Variants in ACVR2B observed in about 807,000 individuals in gnomAD.
ACVR2B encodes activin receptor type-2B.
In ACVR2B, 18 loss-of-function variants were observed where a neutral mutation model predicts 65.1. The ratio of observed to expected loss-of-function variants is 0.28; its 90% CI spans 0.19 to 0.41. The LOEUF is 0.41. ACVR2B is among the 10% of genes least tolerant of loss of function. The probability of loss-of-function intolerance (pLI) is 1.00; values close to 1 mark genes in which losing one functional copy is unlikely to be tolerated. For missense variants in ACVR2B, 482 were observed against 682.7 expected, an observed-to-expected ratio of 0.71 and a Z score of 3.28; for synonymous variants, 298 against 277.7, an observed-to-expected ratio of 1.07 and a Z score of -0.73.
intron 1 of ACVR2B, 21 bp downstream of exon 1, chr3:38,454,395 G>A: frequency 8.0e-7 from 1 of 1,247,678 alleles, no homozygotes; most frequent in Non-Finnish European, 1.0e-6. Flanking sequence ...GGCGCGGCGC[G>A]GGGACGCCGA....
At chr3:38,478,354 T>C in intron 4 of ACVR2B, 21 bp from the exon 5 acceptor site, 11 of 1,614,020 alleles carry the variant, frequency 6.8e-6, no homozygotes, top group Non-Finnish European at 9.3e-6. Context: ...CCAGACCTTT[T>C]TAAGCCTTGC....
rs1710149903 is a variant in ACVR2B, at chr3:38,487,929, C to T, written c.*4597C>T. ...TTAGCCTGTTGAGTTTTTGATGGCA[C>T]ACCTTTGGAGAGATGGCCACGCCTG... On this transcript the variant is annotated 3_prime_UTR_variant, in exon 11 of 11. Coordinates refer to ENST00000352511, the MANE Select transcript of ACVR2B (RefSeq NM_001106.4). 6.6e-6 allele frequency: 1 copy of T among 152,176 alleles called. No homozygotes were observed. Among genetic ancestry groups the T allele is most frequent in the Non-Finnish European group, 1.5e-5 (1 of 68,038 alleles). The allele number at this position is 152,176 out of a possible 1,614,324, so 9.4% of individuals were successfully genotyped here.
chr3:38,490,871 G>C lies in ACVR2B; in HGVS notation c.*7539G>C, dbSNP rs1202716620. The C allele has an allele frequency of 6.6e-6, 1 of 152,668 alleles. No individual in the cohort carries two copies. The highest frequency in any genetic ancestry group is 1.5e-5 in the Non-Finnish European group (1 of 68,052). 9.5% of individuals were successfully genotyped at this position (152,668 alleles called of 1,614,324 possible). A position where few individuals can be genotyped will look rare whatever the true frequency, so the allele number is the denominator to read the frequency against. On this transcript the variant is annotated 3_prime_UTR_variant, in exon 11 of 11. Coordinates refer to ENST00000352511, the MANE Select transcript of ACVR2B (RefSeq NM_001106.4). ...GGCATTGTGGTGGGATGGGTCTAGA[G>C]TGTCATCTGAATGGTGCTTCCTGTG...
At chr3:38,458,593 A>G (rs1186927412) in intron 1 of ACVR2B, among the ~76,000 whole-genome samples, 1 of 152,126 alleles carries the variant, frequency 6.6e-6, no homozygotes, top group African/African-American at 2.4e-5. Flanking sequence ...TCTTTCCAGA[A>G]AGCTGTCCTC....
chr3:38,481,347 A>C lies in ACVR2B; in HGVS notation c.960-4A>C. ...GCTTTATCTCTGCCCACTTGTTTCC[A>C]CAGGGACTTTAAAAGTAAGAATGTA... On this transcript the variant is annotated splice_region_variant and splice_polypyrimidine_tract_variant and intron_variant, in intron 7 of 10. Coordinates refer to ENST00000352511, the MANE Select transcript of ACVR2B (RefSeq NM_001106.4). The surrounding 1 kb of genome is among the most constrained non-coding windows in gnomAD (Gnocchi z 4.7). 1 of 1,611,898 alleles carries C rather than the reference A, an allele frequency of 6.2e-7. No homozygotes were observed. Among genetic ancestry groups the C allele is most frequent in the Non-Finnish European group, 8.5e-7 (1 of 1,177,986 alleles).
intron 1 of ACVR2B, chr3:38,454,955 GA>G (rs1709519774): frequency 6.6e-6 from 1 of 152,202 alleles, no homozygotes; most frequent in African/African-American, 2.4e-5. Flanking sequence ...TTGGCCCCGG[GA>G]TGCGGAGTGT....
intron 1 of ACVR2B, among the ~76,000 whole-genome samples, chr3:38,457,130 G>A (rs958715713): frequency 3.3e-5 from 5 of 152,222 alleles, no homozygotes; most frequent in African/African-American, 1.2e-4. Context: ...CATGAACCCG[G>A]GAGGTAGAGG....
intron 1 of ACVR2B, among the ~76,000 whole-genome samples, chr3:38,471,772 A>G (rs1709822310): frequency 6.6e-6 from 1 of 152,206 alleles, no homozygotes; most frequent in Admixed American, 6.5e-5. Context: ...TTTGTGCCTC[A>G]GTTTTTATAA....
chr3:38,492,141 G>A lies in ACVR2B; in HGVS notation c.*8809G>A, dbSNP rs1372393880. ...GACAAAATTTGCAGGAACAGTTTTG[G>A]AACCAACAGAAAATGTCACCTTTTA... On this transcript the variant is annotated 3_prime_UTR_variant, in exon 11 of 11. Transcript: ENST00000352511. The A allele has an allele frequency of 6.6e-6, 1 of 152,452 alleles. No individual in the cohort carries two copies. Among genetic ancestry groups the A allele is most frequent in the Non-Finnish European group, 1.5e-5 (1 of 68,000 alleles). 9.4% of individuals were successfully genotyped at this position (152,452 alleles called of 1,614,324 possible).
At chr3:38,459,337 C>T (rs555256318) in intron 1 of ACVR2B, among the ~76,000 whole-genome samples, 6 of 152,298 alleles carry the variant, frequency 3.9e-5, no homozygotes, top group Non-Finnish European at 7.4e-5. Flanking sequence ...TTCAGGGAGG[C>T]GGAGGCTGTG....
chr3:38,478,033 C>T (rs1709943090), intron 3 of ACVR2B, 63 bp downstream of exon 3: 25 of 1,598,318 alleles, frequency 1.6e-5, no homozygotes, highest in Admixed American at 1.2e-4. Context: ...TGGCTTGGAG[C>T]GCTTGGCTCC....
rs372976786 is a variant in ACVR2B at position 38,458,809 on chromosome 3, G to A, written c.52+4435G>A. On this transcript the variant is annotated intron_variant, in intron 1 of 10. Transcript: ENST00000352511. Reference sequence around the variant, plus strand: ...TAGACTCTAGATAGTCCTGAGGCAGGGTCCTGGTTGCATGGGCCTCACTGT... The same window carrying A: ...TAGACTCTAGATAGTCCTGAGGCAGAGTCCTGGTTGCATGGGCCTCACTGT... Among the ~76,000 whole-genome samples, 4 of 152,126 alleles carry A rather than the reference G, an allele frequency of 2.6e-5. No individual in the cohort carries two copies. In the East Asian group the frequency reaches 7.7e-4, roughly 29 times the overall value.
rs1173931958 is a variant in ACVR2B, at chr3:38,491,784, C to G, written c.*8452C>G. On this transcript the variant is annotated 3_prime_UTR_variant, in exon 11 of 11. Coordinates refer to ENST00000352511, the MANE Select transcript of ACVR2B (RefSeq NM_001106.4). ...TTTTTTCCTCTTTTTTTCTGTAATTCTGTAAAAATGCAGAGAAAGTTGAGT... is the reference window on the plus strand; with the variant it reads ...TTTTTTCCTCTTTTTTTCTGTAATTGTGTAAAAATGCAGAGAAAGTTGAGT... 1 of 151,896 alleles carries G rather than the reference C, an allele frequency of 6.6e-6. No individual in the cohort carries two copies. Among genetic ancestry groups the G allele is most frequent in the Non-Finnish European group, 1.5e-5 (1 of 67,984 alleles). 9.4% of individuals were successfully genotyped at this position (151,896 alleles called of 1,614,324 possible).
chr3:38,477,160 G>A lies in ACVR2B; in HGVS notation c.53-127G>A. The A allele has an allele frequency of 6.8e-6, 7 of 1,033,280 alleles. No homozygotes were observed. The highest frequency in any genetic ancestry group is 1.0e-5 in the Non-Finnish European group (7 of 689,490). The allele number at this position is 1,033,280 out of a possible 1,614,324, so 64.0% of individuals were successfully genotyped here. ...CTACGTCCAGGGGTGAGTGCAGGAG[G>A]TTGGTGACCCCAACCCACCACCCGG... On this transcript the variant is annotated intron_variant, in intron 1 of 10. Transcript: ENST00000352511. The surrounding 1 kb of genome is among the most constrained non-coding windows in gnomAD (Gnocchi z 6.7).
intron 1 of ACVR2B, among the ~76,000 whole-genome samples, chr3:38,469,927 G>T (rs778414580): frequency 9.9e-5 from 15 of 152,022 alleles, no homozygotes; most frequent in Middle Eastern, 3.4e-3. Context: ...TTTTTTAATA[G>T]AACTTCTAGA....
intron 1 of ACVR2B, among the ~76,000 whole-genome samples, chr3:38,458,201 G>A (rs1305689647): frequency 2.0e-5 from 3 of 152,116 alleles, no homozygotes; most frequent in Non-Finnish European, 4.4e-5. Flanking sequence ...GAAGCACCTG[G>A]ACCTCTGCTG....
chr3:38,464,115 G>A (rs1045068394), intron 1 of ACVR2B, among the ~76,000 whole-genome samples: 4 of 152,236 alleles, frequency 2.6e-5, no homozygotes, highest in Non-Finnish European at 4.4e-5. Flanking sequence ...TTGGAGGTTA[G>A]GGCCTCAACC....
At chr3:38,458,078 A>G (rs1709580433) in intron 1 of ACVR2B, among the ~76,000 whole-genome samples, 1 of 152,144 alleles carries the variant, frequency 6.6e-6, no homozygotes, top group Non-Finnish European at 1.5e-5. Flanking sequence ...CCATCTTTCC[A>G]GGCCCTATAG....
rs1268592780 is a variant in ACVR2B, at chr3:38,453,991, C to G, written c.-332C>G. 2.0e-5 allele frequency: 3 copies of G among 146,590 alleles called. No individual in the cohort carries two copies. The highest frequency in any genetic ancestry group is 4.6e-5 in the Non-Finnish European group (3 of 65,206). The allele number at this position is 146,590 out of a possible 1,614,324, so 9.1% of individuals were successfully genotyped here. On this transcript the variant is annotated 5_prime_UTR_variant, in exon 1 of 11. Coordinates refer to ENST00000352511, the MANE Select transcript of ACVR2B (RefSeq NM_001106.4). The stretch of plus-strand genomic sequence containing the variant: ...TTCATGGCCCCTCCGGACTCGGCCC[C>G]TGCGCCCGGGGCCCGGGCCCAGCCC...
Sources: gnomAD v4.1 joint callset for allele counts (sites outside exome capture counted in the v4.1 genomes callset) on GRCh38, gnomAD v4.1.1 for gene constraint, Gnocchi (gnomAD v3.1) non-coding constraint, MANE v1.5 for transcripts, NCBI Gene and HGNC (gene_info 2026-07-23, HGNC 2026-07-21) for gene names.